RERE: variants seen among roughly 807,000 people sequenced by gnomAD.
The protein encoded by RERE is arginine-glutamic acid dipeptide repeats protein.
A neutral mutation model predicts 146.1 loss-of-function variants in RERE; 40 were observed. That is an observed-to-expected ratio of 0.27 (90% CI 0.21 to 0.36). RERE has a LOEUF of 0.36. RERE is among the 10% of genes least tolerant of loss of function. The pLI, the probability that RERE is intolerant of heterozygous loss-of-function variation, is 1.00. For missense variants in RERE, 1,933 were observed against 2,138.7 expected (o/e 0.90, Z 1.90); for synonymous variants, 1,003 against 866.0 (o/e 1.16, Z -2.78).
intron 7 of RERE, among the ~76,000 whole-genome samples, chr1:8,526,190 G>T (rs529856143): frequency 6.6e-6 from 1 of 152,154 alleles, no homozygotes; most frequent in East Asian, 1.9e-4. Flanking sequence ...CCATGGAGAG[G>T]CTTCAGTTAA....
intron 1 of RERE, among the ~76,000 whole-genome samples, chr1:8,744,579 G>A (rs1436658489): frequency 6.6e-6 from 1 of 152,052 alleles, no homozygotes; most frequent in Non-Finnish European, 1.5e-5. Context: ...TGTGCCATTT[G>A]GCCATTAAAA....
intron 1 of RERE, among the ~76,000 whole-genome samples, chr1:8,794,433 C>A (rs933802849): frequency 6.7e-6 from 1 of 148,750 alleles, no homozygotes; most frequent in Non-Finnish European, 1.5e-5. Context: ...CTCTCTACAT[C>A]TTTATATTAA....
chr1:8,441,632 T>C (rs914784326), intron 11 of RERE, among the ~76,000 whole-genome samples: 1 of 152,220 alleles, frequency 6.6e-6, no homozygotes, highest in Non-Finnish European at 1.5e-5. Context: ...AAGTCATATC[T>C]GACGACAAAT....
At chr1:8,610,860 C>T (rs1216376243) in intron 4 of RERE, among the ~76,000 whole-genome samples, 1 of 151,234 alleles carries the variant, frequency 6.6e-6, no homozygotes, top group Non-Finnish European at 1.5e-5. Flanking sequence ...AAAAAAAGTT[C>T]CCTAATGGAA....
chr1:8,501,633 C>T (rs1170119474), intron 8 of RERE, among the ~76,000 whole-genome samples: 1 of 132,556 alleles, frequency 7.5e-6, no homozygotes, highest in Admixed American at 7.1e-5. Context: ...CAGCCCCCCG[C>T]CCGGCCAGCC....
intron 15 of RERE, 85 bp from the exon 16 acceptor site, chr1:8,362,929 T>C (rs1641647345): frequency 6.8e-7 from 1 of 1,462,816 alleles, no homozygotes. Flanking sequence ...GGCAGAAGCC[T>C]GAAGGCACAC....
intron 4 of RERE, among the ~76,000 whole-genome samples, chr1:8,595,331 A>G (rs570001830): frequency 6.6e-6 from 1 of 152,142 alleles, no homozygotes; most frequent in African/African-American, 2.4e-5. Flanking sequence ...GTTAAATATT[A>G]AACAGAAAAG....
chr1:8,557,670 G>C (rs1646023828), intron 4 of RERE, 147 bp from the exon 5 acceptor site: 2 of 647,130 alleles, frequency 3.1e-6, no homozygotes, highest in Non-Finnish European at 5.5e-6. Flanking sequence ...CAATACATAA[G>C]TCAGTTATGA....
intron 7 of RERE, among the ~76,000 whole-genome samples, chr1:8,531,701 TTC>T (rs1570400270): frequency 6.6e-6 from 1 of 152,354 alleles, no homozygotes; most frequent in East Asian, 1.9e-4. Flanking sequence ...ATGGTAAGTA[TTC>T]TGTTAGATTA....
At chr1:8,664,031 A>G (rs1638514602) in intron 1 of RERE, among the ~76,000 whole-genome samples, 1 of 151,940 alleles carries the variant, frequency 6.6e-6, no homozygotes, top group Non-Finnish European at 1.5e-5. Flanking sequence ...CATTGATCCC[A>G]CTAGTGTTAT....
At chr1:8,404,695 T>C (rs1003204238) in intron 12 of RERE, among the ~76,000 whole-genome samples, 1 of 152,342 alleles carries the variant, frequency 6.6e-6, no homozygotes, top group South Asian at 2.1e-4. Flanking sequence ...GAAGAGTCCT[T>C]GGGCAATCAA....
At chr1:8,697,560 T>G (rs1639359517) in intron 1 of RERE, among the ~76,000 whole-genome samples, 1 of 152,108 alleles carries the variant, frequency 6.6e-6, no homozygotes, top group South Asian at 2.1e-4. Context: ...ACCCGGCTAA[T>G]TTTTTGTATT....
At chr1:8,554,340 G>A (rs190684225) in intron 6 of RERE, among the ~76,000 whole-genome samples, 93 of 152,168 alleles carry the variant, frequency 6.1e-4, no homozygotes, top group Non-Finnish European at 6.6e-4. Flanking sequence ...CCCTCAACCC[G>A]TGAGACAAGA....
At chr1:8,554,091 G>C (rs1645974386) in intron 6 of RERE, among the ~76,000 whole-genome samples, 1 of 152,072 alleles carries the variant, frequency 6.6e-6, no homozygotes, top group South Asian at 2.1e-4. Context: ...GTAGGAGAAT[G>C]AATCACTTGA....
intron 4 of RERE, among the ~76,000 whole-genome samples, chr1:8,609,213 G>C (rs1356494278): frequency 6.8e-6 from 1 of 147,638 alleles, no homozygotes; most frequent in Admixed American, 6.8e-5. Flanking sequence ...GCAAGACCCT[G>C]TCTCCCAAAA....
chr1:8,568,661 C>T (rs1348073997), intron 4 of RERE, among the ~76,000 whole-genome samples: 2 of 152,190 alleles, frequency 1.3e-5, no homozygotes, highest in African/African-American at 2.4e-5. Context: ...CAACCAGATG[C>T]AGCCCCTTGA....
At chr1:8,775,291 G>A (rs979313963) in intron 1 of RERE, among the ~76,000 whole-genome samples, 1 of 152,046 alleles carries the variant, frequency 6.6e-6, no homozygotes, top group Non-Finnish European at 1.5e-5. Flanking sequence ...TTTTTTCTGG[G>A]CCGGGAACAG....
intron 1 of RERE, among the ~76,000 whole-genome samples, chr1:8,687,270 C>G (rs1639112178): frequency 6.6e-6 from 1 of 152,146 alleles, no homozygotes; most frequent in Non-Finnish European, 1.5e-5. Context: ...GGTCTATACA[C>G]AAGCAGTGGG....
chr1:8,564,337 C>G (rs1334279034), intron 4 of RERE, among the ~76,000 whole-genome samples: 7 of 152,208 alleles, frequency 4.6e-5, no homozygotes, highest in African/African-American at 1.7e-4. Flanking sequence ...GGGGATGGGA[C>G]CCAAGTCTAA....
Sources: gnomAD v4.1 joint callset for allele counts (sites outside exome capture counted in the v4.1 genomes callset) on GRCh38, gnomAD v4.1.1 for gene constraint, MANE v1.5 for transcripts, NCBI Gene and HGNC (gene_info 2026-07-23, HGNC 2026-07-21) for gene names.